The following COL22A1 variants were observed in gnomAD, a reference collection of about 807,000 sequenced individuals.
COL22A1 encodes the protein collagen alpha-1(XXII) chain.
Under a neutral mutation model 248.9 loss-of-function variants are expected in COL22A1, and 221 were observed. The ratio of observed to expected loss-of-function variants is 0.89; its 90% confidence interval spans 0.80 to 0.99. The LOEUF is 0.99. Among genes scored for constraint, COL22A1 ranks in the 50% least tolerant of loss-of-function variants. The probability of loss-of-function intolerance (pLI) is 0.00; values close to 1 mark genes in which losing one functional copy is unlikely to be tolerated. For missense variants in COL22A1, 2,240 were observed against 2,179.0 expected (o/e 1.03, Z -0.56); for synonymous variants, 891 against 793.4 (o/e 1.12, Z -2.07).
intron 37 of COL22A1, among the ~76,000 whole-genome samples, chr8:138,687,303 A>G (rs1439160360): frequency 6.6e-6 from 1 of 152,226 alleles, no homozygotes; most frequent in Admixed American, 6.5e-5. Flanking sequence ...AAAACCCAAG[A>G]GAGTCTTCAT....
intron 36 of COL22A1, 76 bp downstream of exon 36, chr8:138,690,745 G>T: frequency 1.7e-6 from 2 of 1,186,800 alleles, no homozygotes; most frequent in Non-Finnish European, 2.4e-6. Flanking sequence ...TGTATCCTAC[G>T]CCTCTGGCTT....
chr8:138,696,380 G>C (rs77960932), intron 32 of COL22A1, among the ~76,000 whole-genome samples: 3,038 of 152,298 alleles, frequency 0.02, 37 homozygotes, highest in Middle Eastern at 0.048. Context: ...CACGGCTTTA[G>C]AGAGCAGGAG....
Position 138,803,192 on chromosome 8 carries a change from G to A in COL22A1, c.1495-258C>T, listed in dbSNP as rs140697243. 5.0e-4 allele frequency among the ~76,000 whole-genome samples: 76 copies of A among 152,260 alleles called. 2 individuals are homozygous for A. In the East Asian group the frequency reaches 0.012, roughly 24 times the overall value. On this transcript the variant is annotated intron_variant, in intron 10 of 64. Coordinates refer to ENST00000303045, the MANE Select transcript of COL22A1 (RefSeq NM_152888.3). Reference sequence around the variant, plus strand: ...TGAAAGCATTGCACATTCATCCTTGGGAATGGCCTGCCACTGATCCCACCA... The same window carrying A: ...TGAAAGCATTGCACATTCATCCTTGAGAATGGCCTGCCACTGATCCCACCA...
At chr8:138,606,517 C>T (rs746340044) in intron 57 of COL22A1, 65 bp from the exon 58 acceptor site, 17 of 1,475,256 alleles carry the variant, frequency 1.2e-5, no homozygotes, top group Non-Finnish European at 1.5e-5. Context: ...GATTTGGAAA[C>T]CTTGTGACCA....
rs1221611261 is a variant in COL22A1 at position 138,791,342 on chromosome 8, T to G, written c.1596+5477A>C. 3.3e-5 allele frequency among the ~76,000 whole-genome samples: 5 copies of G among 152,286 alleles called. No individual in the cohort carries two copies. The East Asian group carries it at 9.7e-4, about 29-fold the overall frequency. ...CCTAGAATCAGCGGGAGACAAATAC[T>G]GGGGAAGGGTCCTGTGGGTCCCATC... On this transcript the variant is annotated intron_variant, in intron 12 of 64. Coordinates refer to ENST00000303045, the MANE Select transcript of COL22A1 (RefSeq NM_152888.3).
At chr8:138,793,970 C>T (rs754755090) in intron 12 of COL22A1, among the ~76,000 whole-genome samples, 7 of 152,278 alleles carry the variant, frequency 4.6e-5, no homozygotes, top group Non-Finnish European at 7.4e-5. Flanking sequence ...CAACCCAGAC[C>T]GAGTGTTCTG....
intron 41 of COL22A1, among the ~76,000 whole-genome samples, chr8:138,669,331 G>A (rs943153628): frequency 6.6e-6 from 1 of 152,294 alleles, no homozygotes; most frequent in African/African-American, 2.4e-5. Context: ...ACGGCCGTGG[G>A]GTCTGATAAG....
At chr8:138,669,217 C>T (rs752018354) in intron 41 of COL22A1, among the ~76,000 whole-genome samples, 6 of 152,132 alleles carry the variant, frequency 3.9e-5, no homozygotes, top group Non-Finnish European at 5.9e-5. Flanking sequence ...AGGCCAGGCA[C>T]CTGGGGAGAC....
At chr8:138,647,623 T>C (rs1200118616) in intron 46 of COL22A1, among the ~76,000 whole-genome samples, 1 of 152,204 alleles carries the variant, frequency 6.6e-6, no homozygotes, top group East Asian at 1.9e-4. Context: ...TTATTTTCAC[T>C]CTAAGTTCTG....
At chr8:138,853,875 G>C (rs1821818361) in intron 3 of COL22A1, among the ~76,000 whole-genome samples, 2 of 152,156 alleles carry the variant, frequency 1.3e-5, no homozygotes, top group South Asian at 4.1e-4. Context: ...CAGAATTCCA[G>C]CCCAAGTTTG....
chr8:138,815,831 T>G (rs1269720926), intron 7 of COL22A1, among the ~76,000 whole-genome samples: 1 of 152,084 alleles, frequency 6.6e-6, no homozygotes, highest in African/African-American at 2.4e-5. Context: ...GGGGAACGCT[T>G]ATTGCATTGA....
intron 1 of COL22A1, among the ~76,000 whole-genome samples, chr8:138,912,744 C>T (rs1402272299): frequency 1.6e-5 from 2 of 125,930 alleles, no homozygotes; most frequent in African/African-American, 7.2e-5. Flanking sequence ...GAGTGAAACT[C>T]GGCCTCAAAA....
chr8:138,888,958 G>A (rs1824860566), intron 1 of COL22A1, among the ~76,000 whole-genome samples: 1 of 152,134 alleles, frequency 6.6e-6, no homozygotes, highest in South Asian at 2.1e-4. Flanking sequence ...TTACATTGGG[G>A]TAGCCAGGAG....
intron 47 of COL22A1, among the ~76,000 whole-genome samples, chr8:138,637,290 T>C (rs1377062888): frequency 6.6e-6 from 1 of 151,992 alleles, no homozygotes; most frequent in East Asian, 1.9e-4. Context: ...AGAACAGGTG[T>C]GAGGGTGAGG....
At chr8:138,617,055 C>G in intron 53 of COL22A1, 97 bp from the exon 54 acceptor site, 1 of 1,282,202 alleles carries the variant, frequency 7.8e-7, no homozygotes, top group South Asian at 1.2e-5. Flanking sequence ...CCACGTTGCC[C>G]CCGCTCATTC....
Position 138,813,031 on chromosome 8 carries a change from A to C in COL22A1, c.1246-12T>G, listed in dbSNP as rs1818373201. 6.2e-7 allele frequency: 1 copy of C among 1,609,944 alleles called. No individual in the cohort carries two copies. The highest frequency in any genetic ancestry group is 8.5e-7 in the Non-Finnish European group (1 of 1,176,272). On this transcript the variant is annotated splice_polypyrimidine_tract_variant and intron_variant, in intron 7 of 64. Transcript: ENST00000303045. ...CGCTGTAGGTCAAACTGGAAAGGAA[A>C]GCAAGGAGAGAGGATAAGTTTTAGG... is the stretch of plus-strand genomic sequence containing the variant.
At chr8:138,652,827 G>A (rs1475285292) in intron 45 of COL22A1, among the ~76,000 whole-genome samples, 1 of 128,892 alleles carries the variant, frequency 7.8e-6, no homozygotes, top group Non-Finnish European at 1.6e-5. Context: ...GCTCACTGCA[G>A]CCTCCGCCTC....
At chr8:138,882,848 C>A (rs888279272) in intron 2 of COL22A1, among the ~76,000 whole-genome samples, 2 of 152,208 alleles carry the variant, frequency 1.3e-5, no homozygotes, top group African/African-American at 4.8e-5. Flanking sequence ...TTCACACTTC[C>A]TCACACACTC....
At chr8:138,636,682 C>A (rs1282197621) in intron 48 of COL22A1, 60 bp downstream of exon 48, 8 of 1,260,272 alleles carry the variant, frequency 6.3e-6, no homozygotes, top group African/African-American at 1.5e-5. Context: ...ATGGAAGCCA[C>A]CTGGGAGAAA....
Sources: gnomAD v4.1 joint callset for allele counts (sites outside exome capture counted in the v4.1 genomes callset) on GRCh38, gnomAD v4.1.1 for gene constraint, MANE v1.5 for transcripts, NCBI Gene and HGNC (gene_info 2026-07-23, HGNC 2026-07-21) for gene names.